The following MGLL variants were observed in gnomAD, a reference collection of about 807,000 sequenced individuals.
MGLL encodes monoglyceride lipase.
In MGLL, 7 loss-of-function variants were observed where a neutral mutation model predicts 29.1. The ratio of observed to expected loss-of-function variants is 0.24; its 90% CI spans 0.14 to 0.45. The LOEUF (loss-of-function observed/expected upper bound fraction) is 0.45, where lower values mean the gene tolerates loss of function less well. Among genes scored for constraint, MGLL ranks in the 20% least tolerant of loss-of-function variants. The pLI, the probability that MGLL is intolerant of heterozygous loss-of-function variation, is 0.99. For synonymous variants in MGLL, 148 were observed against 168.3 expected (o/e 0.88, Z 0.93); for missense variants, 356 against 413.6 (o/e 0.86, Z 1.21).
At chr3:127,741,939 G>GAT (rs533812670) in intron 3 of MGLL, among the ~76,000 whole-genome samples, 172 of 152,256 alleles carry the variant, frequency 1.1e-3, no homozygotes, top group Non-Finnish European at 2.0e-3. Context: ...CCCATCAGGG[G>GAT]ATACATCAAG....
intron 3 of MGLL, among the ~76,000 whole-genome samples, chr3:127,737,340 C>T (rs2076258998): frequency 2.6e-5 from 4 of 151,798 alleles, no homozygotes; most frequent in Admixed American, 2.0e-4. Flanking sequence ...GCAGTGACTT[C>T]ACTTCCTGAA....
At chr3:127,697,113 C>T (rs963023255) in intron 6 of MGLL, among the ~76,000 whole-genome samples, 2 of 152,204 alleles carry the variant, frequency 1.3e-5, no homozygotes, top group African/African-American at 4.8e-5. Context: ...CCTGCTGGGC[C>T]GGGCCATCTG....
chr3:127,806,218 A>T (rs1028361105), intron 2 of MGLL, among the ~76,000 whole-genome samples: 1 of 152,232 alleles, frequency 6.6e-6, no homozygotes, highest in African/African-American at 2.4e-5. Context: ...TGGCACATGC[A>T]CTAGTGGCTT....
At chr3:127,783,277 C>T (rs1576285341) in intron 2 of MGLL, among the ~76,000 whole-genome samples, 1 of 151,990 alleles carries the variant, frequency 6.6e-6, no homozygotes, top group Non-Finnish European at 1.5e-5. Context: ...GCTCAGAACA[C>T]AAGCCATGGA....
chr3:127,722,243 C>T (rs563949884), intron 4 of MGLL, among the ~76,000 whole-genome samples, 187 bp downstream of exon 4: 2 of 152,232 alleles, frequency 1.3e-5, no homozygotes, highest in East Asian at 3.8e-4. Context: ...CACTAAGGAC[C>T]GGCTGGCAGC....
At chr3:127,751,651 C>G (rs559701176) in intron 3 of MGLL, among the ~76,000 whole-genome samples, 2 of 152,016 alleles carry the variant, frequency 1.3e-5, no homozygotes, top group South Asian at 4.1e-4. Context: ...AGATAAATGG[C>G]TGTTGTCTGA....
At position 127,707,858 on chromosome 3, in the gene MGLL, C is replaced by T. The variant is rs181300185; in HGVS notation, c.600+2718G>A. 1.7e-3 allele frequency among the ~76,000 whole-genome samples: 262 copies of T among 152,364 alleles called. 2 individuals carry two copies. The highest frequency in any genetic ancestry group is 6.0e-3 in the African/African-American group (251 of 41,586). On this transcript the variant is annotated intron_variant, in intron 6 of 7. Coordinates refer to ENST00000265052, the MANE Select transcript of MGLL (RefSeq NM_007283.7). ...GGGCGACGCAAGTGAAGAGAGCCCA[C>T]TAGCAGTCCTGGGTGGGTTGTGAGA...
intron 6 of MGLL, among the ~76,000 whole-genome samples, chr3:127,705,115 G>A (rs538134936): frequency 3.0e-4 from 45 of 152,160 alleles, no homozygotes; most frequent in African/African-American, 4.6e-4. Flanking sequence ...GCAAACTAAC[G>A]CAGGAACTGA....
intron 3 of MGLL, among the ~76,000 whole-genome samples, chr3:127,737,955 A>G (rs1478020252): frequency 6.6e-6 from 1 of 152,122 alleles, no homozygotes; most frequent in African/African-American, 2.4e-5. Flanking sequence ...GGCATTAATT[A>G]TGCATTCACA....
chr3:127,765,860 G>T (rs1398820026), intron 3 of MGLL, among the ~76,000 whole-genome samples: 1 of 152,264 alleles, frequency 6.6e-6, no homozygotes, highest in African/African-American at 2.4e-5. Context: ...GAAAAAAAAA[G>T]TTTCTCTTCT....
intron 2 of MGLL, among the ~76,000 whole-genome samples, chr3:127,794,768 C>G (rs1015772401): frequency 6.6e-6 from 1 of 152,142 alleles, no homozygotes; most frequent in Admixed American, 6.5e-5. Context: ...TATGATGTAA[C>G]ACTGTCTTCT....
intron 3 of MGLL, among the ~76,000 whole-genome samples, chr3:127,749,774 T>C (rs975029220): frequency 1.3e-5 from 2 of 152,064 alleles, no homozygotes; most frequent in African/African-American, 4.8e-5. Flanking sequence ...GGAGCGGGTA[T>C]GTGGTGCGTG....
At chr3:127,760,299 C>A (rs943545224) in intron 3 of MGLL, among the ~76,000 whole-genome samples, 1 of 152,190 alleles carries the variant, frequency 6.6e-6, no homozygotes, top group Non-Finnish European at 1.5e-5. Flanking sequence ...GTAGGCCAGG[C>A]CACTCTGCCT....
intron 2 of MGLL, among the ~76,000 whole-genome samples, chr3:127,788,262 T>A (rs2077246243): frequency 6.6e-6 from 1 of 152,110 alleles, no homozygotes; most frequent in African/African-American, 2.4e-5. Flanking sequence ...GGTCTAAGTG[T>A]GTTATTACAT....
At chr3:127,733,599 C>G (rs542280652) in intron 3 of MGLL, among the ~76,000 whole-genome samples, 2 of 152,216 alleles carry the variant, frequency 1.3e-5, no homozygotes, top group African/African-American at 2.4e-5. Context: ...AGGACGTGGC[C>G]TGAGACCATG....
At chr3:127,707,669 T>A (rs976026512) in intron 6 of MGLL, among the ~76,000 whole-genome samples, 1 of 152,236 alleles carries the variant, frequency 6.6e-6, no homozygotes, top group Non-Finnish European at 1.5e-5. Flanking sequence ...ACTGACTTCC[T>A]GGGGTCATGG....
At chr3:127,742,808 T>C (rs1397978723) in intron 3 of MGLL, among the ~76,000 whole-genome samples, 1 of 152,164 alleles carries the variant, frequency 6.6e-6, no homozygotes, top group Non-Finnish European at 1.5e-5. Flanking sequence ...GAAGCCCTGA[T>C]TGCAGGAAGA....
At chr3:127,799,589 C>T (rs2077442286) in intron 2 of MGLL, 1 of 152,188 alleles carries the variant, frequency 6.6e-6, no homozygotes, top group African/African-American at 2.4e-5. Flanking sequence ...TGTGTAAATA[C>T]ACCAGGTTGA....
chr3:127,772,701 A>G (rs886659840), intron 3 of MGLL, among the ~76,000 whole-genome samples: 1 of 152,102 alleles, frequency 6.6e-6, no homozygotes, highest in African/African-American at 2.4e-5. Flanking sequence ...TGTGGTGGGA[A>G]TGTTTGTCTC....
Sources: gnomAD v4.1 joint callset for allele counts (sites outside exome capture counted in the v4.1 genomes callset) on GRCh38, gnomAD v4.1.1 for gene constraint, MANE v1.5 for transcripts, NCBI Gene and HGNC (gene_info 2026-07-23, HGNC 2026-07-21) for gene names.